Variants in EYS observed in about 807,000 individuals in gnomAD.
The protein encoded by EYS is protein eyes shut homolog.
EYS carries 250 observed loss-of-function variants against 282.1 expected under a neutral mutation model. The ratio of observed to expected loss-of-function variants is 0.89; its 90% CI spans 0.80 to 0.98. EYS has a LOEUF of 0.98. Among genes scored for constraint, EYS ranks in the 50% least tolerant of loss-of-function variants. EYS has a pLI of 0.00. For synonymous variants in EYS, 1,355 were observed against 1,282.9 expected (o/e 1.06, Z -1.20); for missense variants, 4,016 against 3,709.0 (o/e 1.08, Z -2.15).
chr6:63,976,943 C>A (rs1766863717), intron 35 of EYS, among the ~76,000 whole-genome samples: 1 of 151,648 alleles, frequency 6.6e-6, no homozygotes, highest in Non-Finnish European at 1.5e-5. Flanking sequence ...TAAATAACAG[C>A]AAATTACATT....
intron 11 of EYS, 102 bp from the exon 12 acceptor site, chr6:65,296,221 T>A (rs1396100727): frequency 1.7e-6 from 2 of 1,207,474 alleles, no homozygotes; most frequent in African/African-American, 3.1e-5. Context: ...GAAATAAATA[T>A]TTAATGAAGA....
intron 36 of EYS, among the ~76,000 whole-genome samples, chr6:63,851,830 C>G (rs552795034): frequency 3.3e-5 from 5 of 151,990 alleles, no homozygotes; most frequent in African/African-American, 7.2e-5. Context: ...CAGAGCAGAA[C>G]TGAAGGAGAT....
chr6:64,363,890 G>C (rs1430186943), intron 29 of EYS, among the ~76,000 whole-genome samples: 1 of 151,870 alleles, frequency 6.6e-6, no homozygotes, highest in Non-Finnish European at 1.5e-5. Context: ...GGCAGAATAA[G>C]TGTAGTCATA....
chr6:63,892,748 A>G (rs963655438), intron 35 of EYS, among the ~76,000 whole-genome samples: 1 of 152,228 alleles, frequency 6.6e-6, no homozygotes, highest in African/African-American at 2.4e-5. Context: ...ATTAAACTAA[A>G]GAGCTTCTGT....
At chr6:64,543,426 A>T (rs947767981) in intron 26 of EYS, among the ~76,000 whole-genome samples, 3 of 152,094 alleles carry the variant, frequency 2.0e-5, no homozygotes, top group Non-Finnish European at 2.9e-5. Flanking sequence ...TAATGATTTT[A>T]TTTATAGAAA....
intron 29 of EYS, among the ~76,000 whole-genome samples, chr6:64,345,166 C>A (rs1232490793): frequency 1.3e-5 from 2 of 152,078 alleles, no homozygotes; most frequent in African/African-American, 4.8e-5. Flanking sequence ...ATCAAGCTAC[C>A]AATGACTTTC....
At chr6:64,588,154 AC>A (rs1187403782) in intron 26 of EYS, among the ~76,000 whole-genome samples, 2 of 152,052 alleles carry the variant, frequency 1.3e-5, no homozygotes, top group African/African-American at 4.8e-5. Context: ...TCAAATAATC[AC>A]TGTGATGAAA....
chr6:64,384,227 T>G (rs540290026), intron 29 of EYS, among the ~76,000 whole-genome samples: 30 of 152,358 alleles, frequency 2.0e-4, no homozygotes, highest in African/African-American at 7.0e-4. Flanking sequence ...AACACTCATT[T>G]GCTTTACCAG....
chr6:64,813,465 T>C lies in EYS; in HGVS notation c.3356A>G (p.Asp1119Gly), dbSNP rs989439695. 27 of 1,550,286 alleles carry C rather than the reference T, an allele frequency of 1.7e-5. No homozygotes were observed. Among genetic ancestry groups the C allele is most frequent in the East Asian group, 2.4e-5 (1 of 40,878 alleles). Reference protein sequence around the residue: ...YTGAYCEKSIDNCAEPELNSV... With the variant: ...YTGAYCEKSIGNCAEPELNSV... ...ATTAAGTTCAGGCTCAGCACAATTA[T>C]CAATGCTTTTTTCACAGTATGCACC... Residue 1119 changes from aspartate (D) to glycine (G), a missense_variant, in exon 22 of 43, where the codon GAT (aspartate) becomes GGT (glycine). Asp to Gly is a moderately conservative substitution (Grantham distance 94, BLOSUM62 -1). Transcript: ENST00000503581.
At chr6:65,258,520 G>A (rs1260187576) in intron 12 of EYS, among the ~76,000 whole-genome samples, 3 of 152,046 alleles carry the variant, frequency 2.0e-5, no homozygotes, top group Non-Finnish European at 2.9e-5. Flanking sequence ...AAAAGTTGAT[G>A]TAGTATATGT....
In EYS at chr6:65,390,867, A is replaced by G. The variant is rs145726251; in HGVS notation, c.1185-6367T>C. 2.9e-3 allele frequency among the ~76,000 whole-genome samples: 436 copies of G among 151,796 alleles called. 4 individuals carry two copies. The highest frequency in any genetic ancestry group is 0.01 in the African/African-American group (423 of 41,478). On this transcript the variant is annotated intron_variant, in intron 7 of 42. Coordinates refer to ENST00000503581, the MANE Select transcript of EYS (RefSeq NM_001142800.2). ...ACACTACATGCCAGCCTGGGTGAAA[A>G]CATGAGACCCCGTCTCTAAAAAATA...
intron 29 of EYS, among the ~76,000 whole-genome samples, chr6:64,384,943 C>T (rs1345169958): frequency 6.6e-6 from 1 of 152,162 alleles, no homozygotes; most frequent in Admixed American, 6.5e-5. Flanking sequence ...TTCAGAAAGA[C>T]ATTATTGGAA....
chr6:64,675,432 T>TTC (rs1323621927), intron 22 of EYS, among the ~76,000 whole-genome samples: 14 of 141,046 alleles, frequency 9.9e-5, no homozygotes, highest in South Asian at 2.5e-4. Context: ...TTTTTTCTTT[T>TTC]TTTTTTTTTT....
At chr6:65,587,726 T>C (rs964978870) in intron 2 of EYS, among the ~76,000 whole-genome samples, 1 of 152,014 alleles carries the variant, frequency 6.6e-6, no homozygotes, top group Non-Finnish European at 1.5e-5. Context: ...AAAGAAAACA[T>C]AAAAGGATGA....
intron 5 of EYS, among the ~76,000 whole-genome samples, chr6:65,443,417 T>TATATGTACATATATGTACACATATAGCC (rs1373951627): frequency 3.5e-5 from 5 of 143,878 alleles, no homozygotes; most frequent in African/African-American, 9.8e-5. Flanking sequence ...CATATAGCCA[T>TATATGTACATATATGTACACATATAGCC]ATATGTACAT....
At chr6:65,103,249 T>C (rs1774942950) in intron 12 of EYS, among the ~76,000 whole-genome samples, 1 of 151,444 alleles carries the variant, frequency 6.6e-6, no homozygotes, top group Admixed American at 6.6e-5. Context: ...ATTAGAATGA[T>C]CAGAGGTGTT....
chr6:64,409,056 C>A (rs1040288240), intron 28 of EYS, among the ~76,000 whole-genome samples: 2 of 152,110 alleles, frequency 1.3e-5, no homozygotes, highest in Non-Finnish European at 2.9e-5. Flanking sequence ...ATTTGGTTTT[C>A]TGTTCTTACT....
intron 22 of EYS, among the ~76,000 whole-genome samples, chr6:64,663,803 G>A (rs980903124): frequency 2.0e-5 from 3 of 152,142 alleles, no homozygotes; most frequent in African/African-American, 7.2e-5. Context: ...CTGACCTGGG[G>A]TTCTTGGCCT....
chr6:65,558,435 C>T (rs150212965), intron 2 of EYS, among the ~76,000 whole-genome samples: 7 of 152,338 alleles, frequency 4.6e-5, no homozygotes, highest in East Asian at 1.9e-4. Context: ...CAGGCACTTA[C>T]GAACCTGCAG....
Sources: allele counts gnomAD v4.1 joint callset (sites outside exome capture counted in the v4.1 genomes callset), GRCh38; gene constraint gnomAD v4.1.1; transcripts MANE v1.5; gene names NCBI Gene and HGNC (gene_info 2026-07-23, HGNC 2026-07-21).